Variants in IRAG2 observed in about 807,000 individuals in gnomAD.
IRAG2 encodes the protein lymphoid restricted membrane protein.
Under a neutral mutation model 69.9 loss-of-function variants are expected in IRAG2, and 45 were observed. The ratio of observed to expected loss-of-function variants is 0.64; its 90% CI spans 0.51 to 0.83. IRAG2 has a LOEUF of 0.83. Among genes scored for constraint, IRAG2 ranks in the 40% least tolerant of loss-of-function variants. IRAG2 has a pLI of 0.00. For synonymous variants in IRAG2, 193 were observed against 202.4 expected (o/e 0.95, Z 0.40); for missense variants, 520 against 587.0 (o/e 0.89, Z 1.18).
intron 9 of IRAG2, among the ~76,000 whole-genome samples, chr12:25,081,288 C>T (rs1209771114): frequency 1.3e-5 from 2 of 152,218 alleles, no homozygotes; most frequent in East Asian, 1.9e-4. Context: ...CACGGTGGAA[C>T]CCCGTCTCTA....
Position 25,101,405 on chromosome 12 carries a change from A to G in IRAG2, c.889+80A>G, listed in dbSNP as rs1948743311. The G allele has an allele frequency of 7.3e-6, 7 of 958,722 alleles. No homozygotes were observed. The South Asian group carries it at 1.5e-4, about 20-fold the overall frequency. 59.4% of individuals were successfully genotyped at this position (958,722 alleles called of 1,614,324 possible). On this transcript the variant is annotated intron_variant, in intron 16 of 21. Coordinates refer to ENST00000556887, the MANE Select transcript of IRAG2 (RefSeq NM_001366544.2). ...TTTTGCTAAGTCTTATTATTACTTC[A>G]GTATAATAAAACTCTTAGGTTAACT...
chr12:25,034,239 C>T (rs1247558677), intron 13 of IRAG2, among the ~76,000 whole-genome samples: 2 of 152,150 alleles, frequency 1.3e-5, no homozygotes, highest in African/African-American at 4.8e-5. Context: ...GCCCTGATTC[C>T]CCAGCCTGGG....
At chr12:25,076,676 G>A in intron 6 of IRAG2, 2 of 902,456 alleles carry the variant, frequency 2.2e-6, no homozygotes, top group Non-Finnish European at 2.7e-6. Context: ...AGTGTGTAGT[G>A]TTTTTTAGTT....
intron 3 of IRAG2, chr12:25,015,107 A>AAAAAAAAAAAAAAAT (rs1944513205): frequency 2.5e-6 from 1 of 396,358 alleles, no homozygotes; most frequent in South Asian, 1.0e-4. Context: ...AAAAAAAAAA[A>AAAAAAAAAAAAAAAT]AAAAAGACAA....
At chr12:25,098,559 C>T (rs1232749743) in intron 15 of IRAG2, among the ~76,000 whole-genome samples, 1 of 152,212 alleles carries the variant, frequency 6.6e-6, no homozygotes, top group African/African-American at 2.4e-5. Flanking sequence ...GACTAATTTA[C>T]TCAGAGTCAT....
chr12:25,054,906 A>G (rs949797232), intron 1 of IRAG2, among the ~76,000 whole-genome samples: 3 of 152,220 alleles, frequency 2.0e-5, no homozygotes, highest in Non-Finnish European at 2.9e-5. Context: ...ACAAATGTCA[A>G]TGACTGCAGT....
chr12:25,015,722 G>C (rs1944522367), intron 5 of IRAG2, among the ~76,000 whole-genome samples: 2 of 152,186 alleles, frequency 1.3e-5, no homozygotes, highest in African/African-American at 4.8e-5. Context: ...ACCTGAAGTA[G>C]GGTTATGATA....
chr12:25,018,107 G>A (rs767182669), intron 6 of IRAG2, among the ~76,000 whole-genome samples: 14 of 151,488 alleles, frequency 9.2e-5, no homozygotes, highest in Non-Finnish European at 1.9e-4. Flanking sequence ...GACATTTGGA[G>A]TGTTTCCACT....
intron 10 of IRAG2, chr12:25,030,351 AC>A: frequency 8.1e-7 from 1 of 1,229,060 alleles, no homozygotes; most frequent in Non-Finnish European, 1.0e-6. Context: ...ATTGTTCCTT[AC>A]CACAAAGTCC....
intron 1 of IRAG2, among the ~76,000 whole-genome samples, chr12:25,054,140 T>G (rs1272409521): frequency 6.6e-6 from 1 of 152,204 alleles, no homozygotes; most frequent in African/African-American, 2.4e-5. Flanking sequence ...TTGTCATAAT[T>G]TTTAAACCTT....
intron 1 of IRAG2, among the ~76,000 whole-genome samples, chr12:25,060,803 G>A (rs140107890): frequency 0.014 from 2,134 of 150,808 alleles, 53 homozygotes; most frequent in African/African-American, 0.045. Flanking sequence ...TAGGATTACA[G>A]GCATGCGCCA....
intron 6 of IRAG2, chr12:25,076,359 A>C: frequency 1.1e-6 from 1 of 931,972 alleles, no homozygotes; most frequent in Non-Finnish European, 1.3e-6. Context: ...TTATTGAAAG[A>C]CTTCTAACTA....
intron 15 of IRAG2, 46 bp downstream of exon 15, chr12:25,097,090 A>G: frequency 6.5e-7 from 1 of 1,545,272 alleles, no homozygotes; most frequent in Non-Finnish European, 8.7e-7. Context: ...TACAAAAAAG[A>G]TTCACTTTTC....
chr12:25,016,434 C>T (rs924758093), intron 5 of IRAG2, among the ~76,000 whole-genome samples: 1 of 152,152 alleles, frequency 6.6e-6, no homozygotes, highest in Admixed American at 6.6e-5. Flanking sequence ...ACTCTAGGAA[C>T]TGTTTCCTAG....
chr12:25,089,984 GT>G (rs1947926782), intron 13 of IRAG2, 72 bp from the exon 14 acceptor site: 1 of 1,476,132 alleles, frequency 6.8e-7, no homozygotes, highest in Admixed American at 1.8e-5. Context: ...GTATAAAACA[GT>G]ATTAAACTGA....
chr12:25,030,615 A>T (rs1388230544), intron 10 of IRAG2, among the ~76,000 whole-genome samples: 1 of 152,084 alleles, frequency 6.6e-6, no homozygotes, highest in African/African-American at 2.4e-5. Context: ...TTGAACTCCT[A>T]ACCTCAGGTG....
Position 25,079,461 on chromosome 12 carries a change from T to G in IRAG2, c.135T>G (p.Ser45Arg). The G allele has an allele frequency of 6.2e-7, 1 of 1,611,262 alleles. No homozygotes were observed. Among genetic ancestry groups the G allele is most frequent in the Non-Finnish European group, 8.5e-7 (1 of 1,177,478 alleles). ...TSSTDGTITSSDPGLEILNMA... is the reference protein window; with the variant it reads ...TSSTDGTITSRDPGLEILNMA... ...CGACAGACGGTACTATAACTTCAAG[T>G]GGTAAGTGGATTTGGAAATAATATT... The change falls in exon 8 of 22, where the codon AGT becomes AGG. Residue 45 changes from serine to arginine, a missense_variant and splice_region_variant. Coordinates refer to ENST00000556887, the MANE Select transcript of IRAG2 (RefSeq NM_001366544.2).
chr12:25,105,212 G>A (rs1462474155), intron 20 of IRAG2, among the ~76,000 whole-genome samples: 6 of 151,756 alleles, frequency 4.0e-5, no homozygotes, highest in Non-Finnish European at 8.8e-5. Context: ...AAGTAGCTGG[G>A]ACTACAGGCG....
chr12:25,071,969 C>T (rs12305650), intron 6 of IRAG2, among the ~76,000 whole-genome samples: 3,719 of 152,012 alleles, frequency 0.024, 141 homozygotes, highest in African/African-American at 0.076. Flanking sequence ...TTTGGGAGAC[C>T]GAGGCAGGTG....
Sources: gnomAD v4.1 joint callset for allele counts (sites outside exome capture counted in the v4.1 genomes callset) on GRCh38, gnomAD v4.1.1 for gene constraint, MANE v1.5 for transcripts, NCBI Gene and HGNC (gene_info 2026-07-23, HGNC 2026-07-21) for gene names.